Variants in SDK1 observed in about 807,000 individuals in gnomAD.
SDK1 encodes the protein sidekick cell adhesion molecule 1.
In SDK1, 157 loss-of-function variants were observed where a neutral mutation model predicts 245.5. The observed-to-expected ratio is 0.64, with a 90% CI of 0.56 to 0.73. The LOEUF (loss-of-function observed/expected upper bound fraction) is 0.73, where lower values mean the gene tolerates loss of function less well. SDK1 is among the 30% of genes least tolerant of loss of function. The pLI is 0.00. For missense variants in SDK1, 3,583 were observed against 3,002.3 expected (o/e 1.19, Z -4.52); for synonymous variants, 1,647 against 1,278.5 (o/e 1.29, Z -6.15).
chr7:3,520,961 C>T (rs944765264), intron 1 of SDK1, among the ~76,000 whole-genome samples: 2 of 152,202 alleles, frequency 1.3e-5, no homozygotes, highest in Non-Finnish European at 2.9e-5. Context: ...TATGGCTGCA[C>T]TAAGCCTCTG....
chr7:3,611,762 G>A (rs920234221), intron 1 of SDK1, among the ~76,000 whole-genome samples: 5 of 151,738 alleles, frequency 3.3e-5, no homozygotes, highest in South Asian at 4.2e-4. Context: ...AATGCAAATC[G>A]AAACCACAAT....
intron 1 of SDK1, among the ~76,000 whole-genome samples, chr7:3,494,305 A>G (rs1317058782): frequency 1.3e-5 from 2 of 152,310 alleles, no homozygotes; most frequent in African/African-American, 2.4e-5. Flanking sequence ...AGATGGGTAG[A>G]GCAGGTCATT....
chr7:4,257,030 CAA>C lies in SDK1; in HGVS notation c.6382-8093_6382-8092del, dbSNP rs201844698. ...CTATTTCTGTTTTTCTGTTTAGAAA[CAA>C]GAGGGTTTGTCACGGTTTTATCACA... On this transcript the variant is annotated intron_variant, in intron 44 of 44. Transcript: ENST00000404826. Among the ~76,000 whole-genome samples the C allele has an allele frequency of 9.8e-5, 15 of 152,328 alleles. No individual in the cohort carries two copies. In the East Asian group the frequency reaches 2.3e-3, roughly 23 times the overall value.
chr7:4,218,075 C>T (rs991729051), intron 38 of SDK1, among the ~76,000 whole-genome samples: 1 of 152,166 alleles, frequency 6.6e-6, no homozygotes, highest in African/African-American at 2.4e-5. Context: ...CATTCCTCTA[C>T]AGGAAAACCC....
intron 20 of SDK1, among the ~76,000 whole-genome samples, chr7:4,075,935 G>A (rs578133973): frequency 2.5e-4 from 38 of 152,138 alleles, no homozygotes; most frequent in Non-Finnish European, 4.4e-4. Context: ...TTACAGGTGT[G>A]AGCCACCGTG....
At chr7:3,535,062 T>G (rs1778838447) in intron 1 of SDK1, among the ~76,000 whole-genome samples, 1 of 152,080 alleles carries the variant, frequency 6.6e-6, no homozygotes, top group Non-Finnish European at 1.5e-5. Context: ...TCACCTGAGG[T>G]CAGGAGTTCG....
chr7:3,493,661 A>T (rs1014318781), intron 1 of SDK1, among the ~76,000 whole-genome samples: 1 of 152,252 alleles, frequency 6.6e-6, no homozygotes, highest in South Asian at 2.1e-4. Context: ...GGCTTTTGCA[A>T]TGCTAGGCCT....
At chr7:4,230,510 G>T (rs1250594618) in intron 40 of SDK1, among the ~76,000 whole-genome samples, 1 of 149,784 alleles carries the variant, frequency 6.7e-6, no homozygotes, top group Non-Finnish European at 1.5e-5. Context: ...AAAGAAGGTT[G>T]GTTACATGGA....
chr7:3,697,441 C>A (rs1170727381), intron 4 of SDK1, among the ~76,000 whole-genome samples: 1 of 152,210 alleles, frequency 6.6e-6, no homozygotes, highest in Non-Finnish European at 1.5e-5. Flanking sequence ...TATGGGGAAT[C>A]TGTCTTCAGC....
chr7:4,058,628 C>T (rs576573593), intron 19 of SDK1, among the ~76,000 whole-genome samples: 14 of 152,212 alleles, frequency 9.2e-5, no homozygotes, highest in African/African-American at 3.4e-4. Context: ...ATAAGAGAAC[C>T]CCCATCAGAC....
intron 40 of SDK1, among the ~76,000 whole-genome samples, chr7:4,223,488 A>T (rs556757442): frequency 1.1e-4 from 17 of 152,070 alleles, no homozygotes; most frequent in Admixed American, 1.3e-4. Context: ...CCTCTCCCCC[A>T]CTTCTGGTGA....
At position 4,145,709 on chromosome 7, in the gene SDK1, C is replaced by T. The variant is rs1346958093; in HGVS notation, c.4229-13C>T. 7 of 1,590,380 alleles carry T rather than the reference C, an allele frequency of 4.4e-6. No homozygotes were observed. The highest frequency in any genetic ancestry group is 1.7e-4 in the Middle Eastern group (1 of 5,916). On this transcript the variant is annotated splice_polypyrimidine_tract_variant and intron_variant, in intron 28 of 44. Coordinates refer to ENST00000404826, the MANE Select transcript of SDK1 (RefSeq NM_152744.4). Reference sequence around the variant, plus strand: ...CTGGCTCAGCAGCTGTCTCCCATGTCACCTGCCTGCAGGGTACCAGATTGC... The same window carrying T: ...CTGGCTCAGCAGCTGTCTCCCATGTTACCTGCCTGCAGGGTACCAGATTGC...
At chr7:3,666,636 C>A (rs1783542898) in intron 4 of SDK1, among the ~76,000 whole-genome samples, 1 of 152,072 alleles carries the variant, frequency 6.6e-6, no homozygotes, top group Non-Finnish European at 1.5e-5. Flanking sequence ...TATCTCAGGC[C>A]CTAAAATAGT....
intron 35 of SDK1, among the ~76,000 whole-genome samples, chr7:4,181,375 T>G (rs1711099753): frequency 6.6e-6 from 1 of 152,254 alleles, no homozygotes; most frequent in Non-Finnish European, 1.5e-5. Context: ...TTCCCCCTTT[T>G]AGACTTGTGA....
In SDK1 at chr7:3,495,045, G is replaced by A. The variant is rs953297744; in HGVS notation, c.299-124035G>A. 7.9e-5 allele frequency among the ~76,000 whole-genome samples: 12 copies of A among 152,144 alleles called. No homozygotes were observed. The East Asian group carries it at 2.3e-3, about 29-fold the overall frequency. On this transcript the variant is annotated intron_variant, in intron 1 of 44. Coordinates refer to ENST00000404826, the MANE Select transcript of SDK1 (RefSeq NM_152744.4). ...TTCCTTCATCTAATTTCTTCAATTTGTCTCTCTAAAGTGCTGTTACTCTGG... is the reference window on the plus strand; with the variant it reads ...TTCCTTCATCTAATTTCTTCAATTTATCTCTCTAAAGTGCTGTTACTCTGG...
At chr7:3,503,174 T>A (rs1782272883) in intron 1 of SDK1, among the ~76,000 whole-genome samples, 1 of 152,196 alleles carries the variant, frequency 6.6e-6, no homozygotes, top group Non-Finnish European at 1.5e-5. Flanking sequence ...ATTTAAATTA[T>A]ACATAAATTC....
intron 19 of SDK1, among the ~76,000 whole-genome samples, chr7:4,063,968 T>C (rs1288458483): frequency 1.3e-5 from 2 of 152,162 alleles, no homozygotes; most frequent in Non-Finnish European, 2.9e-5. Context: ...CTTGAAATTA[T>C]AAAACTACTA....
chr7:3,348,155 A>G (rs185699431), intron 1 of SDK1, among the ~76,000 whole-genome samples: 1 of 152,134 alleles, frequency 6.6e-6, no homozygotes, highest in South Asian at 2.1e-4. Flanking sequence ...CTCAATGATG[A>G]TGCACTTAGG....
At position 3,451,153 on chromosome 7, in the gene SDK1, G is replaced by C. The variant is rs369457119; in HGVS notation, c.298+149269G>C. ...ATGATGTAGGGCTGAGCGAGGGTGT[G>C]GGTATGTAAGATGAACAAGACGTGA... On this transcript the variant is annotated intron_variant, in intron 1 of 44. Transcript: ENST00000404826. 1.4e-4 allele frequency among the ~76,000 whole-genome samples: 22 copies of C among 152,178 alleles called. 1 individual carries two copies. The East Asian group carries it at 4.3e-3, about 29-fold the overall frequency.
Sources: allele counts gnomAD v4.1 joint callset (sites outside exome capture counted in the v4.1 genomes callset), GRCh38; gene constraint gnomAD v4.1.1; transcripts MANE v1.5; gene names NCBI Gene and HGNC (gene_info 2026-07-23, HGNC 2026-07-21).